GRM8: variants seen among roughly 807,000 people sequenced by gnomAD.
GRM8 encodes the protein glutamate metabotropic receptor 8.
Under a neutral mutation model 87.2 loss-of-function variants are expected in GRM8, and 47 were observed. The ratio of observed to expected loss-of-function variants is 0.54; its 90% CI spans 0.43 to 0.69. GRM8 has a LOEUF of 0.69. GRM8 is among the 30% of genes least tolerant of loss of function. The pLI is 0.00. For synonymous variants in GRM8, 396 were observed against 404.5 expected (o/e 0.98, Z 0.25); for missense variants, 1,019 against 1,139.2 (o/e 0.89, Z 1.52).
At chr7:126,982,347 C>A (rs1317402562) in intron 3 of GRM8, among the ~76,000 whole-genome samples, 3 of 152,204 alleles carry the variant, frequency 2.0e-5, no homozygotes, top group Admixed American at 2.0e-4. Flanking sequence ...CACCCAGGAT[C>A]AATACTTTGA....
chr7:126,648,691 C>G (rs989397395), intron 7 of GRM8, among the ~76,000 whole-genome samples: 3 of 152,152 alleles, frequency 2.0e-5, no homozygotes, highest in Non-Finnish European at 4.4e-5. Flanking sequence ...TGATAGATAC[C>G]AACAAGTTGC....
chr7:127,058,084 T>C (rs17867749), intron 3 of GRM8: 1 of 480,564 alleles, frequency 2.1e-6, no homozygotes, highest in Non-Finnish European at 4.3e-6. Context: ...CGTCTTTAAC[T>C]GGCGTTGTGA....
At chr7:126,832,588 T>C (rs1331866066) in intron 6 of GRM8, among the ~76,000 whole-genome samples, 1 of 152,212 alleles carries the variant, frequency 6.6e-6, no homozygotes, top group Non-Finnish European at 1.5e-5. Context: ...ACTTACACAT[T>C]ATGTCATCAA....
chr7:126,556,672 A>G (rs979013348), intron 8 of GRM8, among the ~76,000 whole-genome samples: 10 of 152,142 alleles, frequency 6.6e-5, no homozygotes, highest in African/African-American at 2.4e-4. Flanking sequence ...ATGTGTCCAC[A>G]ATTTTGATTA....
At chr7:126,774,009 C>T (rs557748061) in intron 6 of GRM8, among the ~76,000 whole-genome samples, 12 of 152,020 alleles carry the variant, frequency 7.9e-5, no homozygotes, top group African/African-American at 2.4e-4. Context: ...CAACTTTGTA[C>T]ATTTTTGTTC....
intron 7 of GRM8, among the ~76,000 whole-genome samples, chr7:126,693,913 T>A (rs1426483506): frequency 6.6e-6 from 1 of 152,088 alleles, no homozygotes; most frequent in Non-Finnish European, 1.5e-5. Context: ...CATAAATGTA[T>A]CAGTCAAATG....
chr7:126,871,397 T>C (rs1380387281), intron 6 of GRM8, among the ~76,000 whole-genome samples: 1 of 152,224 alleles, frequency 6.6e-6, no homozygotes, highest in Admixed American at 6.5e-5. Flanking sequence ...GCCTTATACA[T>C]GTTTAAGGTA....
intron 2 of GRM8, among the ~76,000 whole-genome samples, chr7:127,197,616 C>G (rs1000412600): frequency 6.7e-6 from 1 of 149,988 alleles, no homozygotes; most frequent in Non-Finnish European, 1.5e-5. Flanking sequence ...AAAGGGGGAA[C>G]AGCAAAGGGA....
intron 8 of GRM8, among the ~76,000 whole-genome samples, chr7:126,604,160 T>A (rs1262741729): frequency 6.6e-6 from 1 of 152,084 alleles, no homozygotes; most frequent in Non-Finnish European, 1.5e-5. Flanking sequence ...AATACATACA[T>A]TCAATTAAAA....
At chr7:126,577,118 G>T (rs1277111836) in intron 8 of GRM8, among the ~76,000 whole-genome samples, 1 of 152,176 alleles carries the variant, frequency 6.6e-6, no homozygotes, top group Non-Finnish European at 1.5e-5. Context: ...ATTCTTAGGA[G>T]TACTGGTGGT....
chr7:126,544,797 C>A (rs117795419), intron 8 of GRM8, among the ~76,000 whole-genome samples: 3 of 151,990 alleles, frequency 2.0e-5, no homozygotes, highest in Admixed American at 6.6e-5. Context: ...CATGAGCCAC[C>A]GCACCTGGCC....
intron 3 of GRM8, among the ~76,000 whole-genome samples, chr7:126,985,699 A>G (rs2131895783): frequency 6.6e-6 from 1 of 152,248 alleles, no homozygotes; most frequent in East Asian, 1.9e-4. Flanking sequence ...GAGCATGCTT[A>G]CTCAGGTCTC....
intron 7 of GRM8, among the ~76,000 whole-genome samples, chr7:126,648,804 T>C (rs1298624506): frequency 6.6e-6 from 1 of 152,208 alleles, no homozygotes; most frequent in Non-Finnish European, 1.5e-5. Flanking sequence ...ACGACACTGA[T>C]ATTAAGACCT....
At chr7:126,605,319 C>T (rs1241062374) in intron 8 of GRM8, among the ~76,000 whole-genome samples, 1 of 152,100 alleles carries the variant, frequency 6.6e-6, no homozygotes, top group African/African-American at 2.4e-5. Flanking sequence ...ATACATGCCT[C>T]ATGTGTGGGC....
intron 6 of GRM8, among the ~76,000 whole-genome samples, chr7:126,843,580 A>C (rs1796461582): frequency 1.3e-5 from 2 of 152,244 alleles, no homozygotes; most frequent in Admixed American, 6.5e-5. Flanking sequence ...TGTTCTGGCA[A>C]ACACATAACC....
At chr7:126,796,231 G>A (rs1821936602) in intron 6 of GRM8, among the ~76,000 whole-genome samples, 1 of 152,050 alleles carries the variant, frequency 6.6e-6, no homozygotes, top group South Asian at 2.1e-4. Context: ...TATCTCTGTT[G>A]TCCATGATTT....
intron 7 of GRM8, among the ~76,000 whole-genome samples, chr7:126,613,411 C>T (rs1799118773): frequency 6.6e-6 from 1 of 151,982 alleles, no homozygotes; most frequent in Non-Finnish European, 1.5e-5. Flanking sequence ...TCCAAGATGG[C>T]CAAATAAGAA....
intron 7 of GRM8, among the ~76,000 whole-genome samples, chr7:126,614,119 G>A (rs1799201212): frequency 2.0e-5 from 3 of 152,290 alleles, no homozygotes; most frequent in Middle Eastern, 3.4e-3. Context: ...TAACTGGGAG[G>A]CACCTCCCAG....
intron 2 of GRM8, among the ~76,000 whole-genome samples, chr7:127,165,886 G>A (rs1413551601): frequency 2.6e-5 from 4 of 152,238 alleles, no homozygotes; most frequent in Non-Finnish European, 5.9e-5. Flanking sequence ...TGTGTTTTTG[G>A]TACTGGTAGG....
Sources: gnomAD v4.1 joint callset for allele counts (sites outside exome capture counted in the v4.1 genomes callset) on GRCh38, gnomAD v4.1.1 for gene constraint, MANE v1.5 for transcripts, NCBI Gene and HGNC (gene_info 2026-07-23, HGNC 2026-07-21) for gene names.